The following JARID2 variants were observed in gnomAD, a reference collection of about 807,000 sequenced individuals.
JARID2 encodes the protein protein Jumonji.
JARID2 carries 21 observed loss-of-function variants against 125.6 expected under a neutral mutation model. The ratio of observed to expected loss-of-function variants is 0.17; its 90% CI spans 0.12 to 0.24. The LOEUF (loss-of-function observed/expected upper bound fraction) is 0.24. Among genes scored for constraint, JARID2 ranks in the 10% least tolerant of loss-of-function variants. JARID2 has a pLI of 1.00. For missense variants in JARID2, 1,303 were observed against 1,639.6 expected (o/e 0.79, Z 3.55); for synonymous variants, 736 against 661.6 (o/e 1.11, Z -1.73).
At chr6:15,286,549 T>C (rs538440121) in intron 1 of JARID2, among the ~76,000 whole-genome samples, 2 of 150,880 alleles carry the variant, frequency 1.3e-5, no homozygotes, top group African/African-American at 4.8e-5. Flanking sequence ...AGTGCCCGGC[T>C]CATTGCAGTG....
At chr6:15,261,618 C>A (rs1759882613) in intron 1 of JARID2, among the ~76,000 whole-genome samples, 1 of 152,060 alleles carries the variant, frequency 6.6e-6, no homozygotes. Context: ...CCCCGCCCGG[C>A]CTGGTGTTTT....
At chr6:15,474,152 A>C (rs915036160) in intron 5 of JARID2, among the ~76,000 whole-genome samples, 1 of 152,274 alleles carries the variant, frequency 6.6e-6, no homozygotes. Flanking sequence ...TCCCTCAGGC[A>C]AGAGGTGCTA....
chr6:15,367,363 T>A (rs997550081), intron 1 of JARID2, among the ~76,000 whole-genome samples: 1 of 152,220 alleles, frequency 6.6e-6, no homozygotes, highest in Non-Finnish European at 1.5e-5. Flanking sequence ...TGCATAACGA[T>A]GGTTTGCCAA....
At chr6:15,428,210 T>A (rs1766814161) in intron 3 of JARID2, among the ~76,000 whole-genome samples, 1 of 152,170 alleles carries the variant, frequency 6.6e-6, no homozygotes, top group Admixed American at 6.5e-5. Context: ...TGCAAGAATA[T>A]TTTTTCCTTT....
At chr6:15,482,109 A>G (rs1017733311) in intron 5 of JARID2, among the ~76,000 whole-genome samples, 5 of 152,236 alleles carry the variant, frequency 3.3e-5, no homozygotes, top group Admixed American at 1.3e-4. Context: ...GACTAACCAC[A>G]GTCACACTCT....
intron 1 of JARID2, among the ~76,000 whole-genome samples, chr6:15,287,941 T>C (rs1427842169): frequency 6.6e-6 from 1 of 152,220 alleles, no homozygotes; most frequent in East Asian, 1.9e-4. Flanking sequence ...GATCTGCCAG[T>C]ACCTAGCACA....
At chr6:15,446,359 C>G (rs1212378921) in intron 3 of JARID2, among the ~76,000 whole-genome samples, 1 of 152,176 alleles carries the variant, frequency 6.6e-6, no homozygotes, top group Non-Finnish European at 1.5e-5. Flanking sequence ...GCATGAGGTA[C>G]TGCTTTAGGA....
intron 4 of JARID2, among the ~76,000 whole-genome samples, chr6:15,465,282 G>A (rs555769072): frequency 6.6e-6 from 1 of 152,104 alleles, no homozygotes; most frequent in African/African-American, 2.4e-5. Context: ...GCGAGATCCC[G>A]TTCCTACAAA....
chr6:15,413,008 G>GTTTTTGTTTTTTTTTTTTT (rs1765958811), intron 3 of JARID2, among the ~76,000 whole-genome samples: 3 of 47,474 alleles, frequency 6.3e-5, no homozygotes, highest in East Asian at 5.4e-4. Flanking sequence ...TTGTGTTTTT[G>GTTTTTGTTTTTTTTTTTTT]TTTTTTTTTT....
At position 15,424,583 on chromosome 6, in the gene JARID2, C is replaced by T. The variant is rs527534894; in HGVS notation, c.323+14218C>T. ...TAATAACAGCAAACACTTGGCCAGG[C>T]GTGGTGGCTCACGCCTGTAATCCCA... On this transcript the variant is annotated intron_variant, in intron 3 of 17. Coordinates refer to ENST00000341776, the MANE Select transcript of JARID2 (RefSeq NM_004973.4). Among the ~76,000 whole-genome samples the T allele has an allele frequency of 3.3e-5, 5 of 152,176 alleles. No individual in the cohort carries two copies. The East Asian group carries it at 9.7e-4, about 29-fold the overall frequency.
chr6:15,304,092 T>G (rs1256517785), intron 1 of JARID2, among the ~76,000 whole-genome samples: 1 of 152,128 alleles, frequency 6.6e-6, no homozygotes, highest in Non-Finnish European at 1.5e-5. Flanking sequence ...AGGTAATAAA[T>G]GTCAACTGCT....
intron 1 of JARID2, among the ~76,000 whole-genome samples, chr6:15,283,707 T>C (rs1189895933): frequency 1.1e-5 from 1 of 95,048 alleles, no homozygotes; most frequent in Non-Finnish European, 2.1e-5. Flanking sequence ...CTTTAAGTAT[T>C]TTTTTTTTTT....
intron 1 of JARID2, among the ~76,000 whole-genome samples, chr6:15,276,659 A>G (rs1035593696): frequency 2.0e-5 from 3 of 152,046 alleles, no homozygotes; most frequent in Non-Finnish European, 4.4e-5. Flanking sequence ...TAGGTCGGAG[A>G]TCTTTTTTCA....
chr6:15,468,235 TTTTTA>T (rs1404856826), intron 4 of JARID2, among the ~76,000 whole-genome samples: 5 of 151,390 alleles, frequency 3.3e-5, no homozygotes, highest in Non-Finnish European at 5.9e-5. Flanking sequence ...TGGGTAGGTG[TTTTTA>T]TTTTATTATT....
chr6:15,346,910 A>G (rs1561805942), intron 1 of JARID2, among the ~76,000 whole-genome samples: 1 of 151,672 alleles, frequency 6.6e-6, no homozygotes, highest in Non-Finnish European at 1.5e-5. Context: ...TAATTTTTGT[A>G]TTTTTAGTAG....
At chr6:15,518,940 C>T (rs1407388322) in intron 17 of JARID2, among the ~76,000 whole-genome samples, 1 of 152,176 alleles carries the variant, frequency 6.6e-6, no homozygotes, top group East Asian at 1.9e-4. Flanking sequence ...GGGGGGTGCA[C>T]CTAGATTGCA....
In JARID2 at chr6:15,491,926, ATC is replaced by A. The variant is rs1435832595; in HGVS notation, c.907-4201_907-4200del. Among the ~76,000 whole-genome samples the A allele has an allele frequency of 2.0e-5, 3 of 152,246 alleles. No homozygotes were observed. The East Asian group carries it at 5.8e-4, about 29-fold the overall frequency. On this transcript the variant is annotated intron_variant, in intron 6 of 17. Coordinates refer to ENST00000341776, the MANE Select transcript of JARID2 (RefSeq NM_004973.4). ...AACGTTTGATGTCCTGGACTTTCAT[ATC>A]TCTCACCTTATATCCCTTCTGCAAG... is the stretch of plus-strand genomic sequence containing the variant.
At chr6:15,473,382 C>T (rs1769171614) in intron 5 of JARID2, among the ~76,000 whole-genome samples, 1 of 152,118 alleles carries the variant, frequency 6.6e-6, no homozygotes, top group Admixed American at 6.5e-5. Flanking sequence ...TCAGAAACGT[C>T]AGAAGACATT....
Position 15,309,147 on chromosome 6 carries a change from A to C in JARID2, c.45+62563A>C, listed in dbSNP as rs939651431. ...ACAGAGTACCTCTTTCATTTCTTTC[A>C]TTGTGTTCCATTTTTGACCTCGGAA... On this transcript the variant is annotated intron_variant, in intron 1 of 17. Coordinates refer to ENST00000341776, the MANE Select transcript of JARID2 (RefSeq NM_004973.4). 3.9e-5 allele frequency among the ~76,000 whole-genome samples: 6 copies of C among 152,084 alleles called. No individual in the cohort carries two copies. In the South Asian group the frequency reaches 1.2e-3, roughly 32 times the overall value.
Sources: allele counts gnomAD v4.1 joint callset (sites outside exome capture counted in the v4.1 genomes callset), GRCh38; gene constraint gnomAD v4.1.1; transcripts MANE v1.5; gene names NCBI Gene and HGNC (gene_info 2026-07-23, HGNC 2026-07-21).